The following THRB variants were observed in gnomAD, a reference collection of about 807,000 sequenced individuals.
THRB encodes nuclear receptor subfamily 1 group A member 2.
THRB carries 12 observed loss-of-function variants against 47.8 expected under a neutral mutation model. The observed-to-expected ratio is 0.25, with a 90% confidence interval of 0.16 to 0.41. THRB has a LOEUF of 0.41. Ranked by LOEUF, THRB falls within the 10% of genes least tolerant of loss-of-function variation. The probability of loss-of-function intolerance (pLI) is 1.00; values close to 1 mark genes in which losing one functional copy is unlikely to be tolerated. For missense variants in THRB, 348 were observed against 589.2 expected, an observed-to-expected ratio of 0.59 and a Z score of 4.24; for synonymous variants, 218 against 212.2, an observed-to-expected ratio of 1.03 and a Z score of -0.24.
At chr3:24,258,315 T>C (rs1376357130) in intron 3 of THRB, among the ~76,000 whole-genome samples, 1 of 152,078 alleles carries the variant, frequency 6.6e-6, no homozygotes, top group African/African-American at 2.4e-5. Context: ...CTTGATTCAC[T>C]CCCCTGGGCA....
At chr3:24,241,080 G>A (rs757759782) in intron 3 of THRB, among the ~76,000 whole-genome samples, 6 of 152,116 alleles carry the variant, frequency 3.9e-5, no homozygotes, top group East Asian at 1.9e-4. Context: ...AATTTGGGAC[G>A]CTCAACTCCT....
At chr3:24,366,236 C>A (rs902963768) in intron 1 of THRB, among the ~76,000 whole-genome samples, 2 of 152,200 alleles carry the variant, frequency 1.3e-5, no homozygotes, top group Admixed American at 6.5e-5. Context: ...GAATCAGACA[C>A]TATTCCTATA....
intron 1 of THRB, among the ~76,000 whole-genome samples, chr3:24,488,773 TAGAC>T (rs1697692694): frequency 6.6e-6 from 1 of 152,348 alleles, no homozygotes; most frequent in South Asian, 2.1e-4. Context: ...ATAGCTTTAA[TAGAC>T]AGAAGGCACT....
intron 5 of THRB, among the ~76,000 whole-genome samples, chr3:24,167,715 C>T (rs1414340002): frequency 1.3e-5 from 2 of 152,118 alleles, no homozygotes; most frequent in Non-Finnish European, 2.9e-5. Flanking sequence ...CAGTGCATTT[C>T]CTGGCTCCCT....
chr3:24,314,135 G>A (rs1225068575), intron 2 of THRB, among the ~76,000 whole-genome samples: 1 of 152,186 alleles, frequency 6.6e-6, no homozygotes, highest in Non-Finnish European at 1.5e-5. Flanking sequence ...CCTAATGATA[G>A]ATTTTTATCT....
chr3:24,148,978 T>C (rs888330302), intron 6 of THRB, among the ~76,000 whole-genome samples: 4 of 152,214 alleles, frequency 2.6e-5, no homozygotes, highest in African/African-American at 4.8e-5. Context: ...CATACACTGT[T>C]ACAAGATTCA....
chr3:24,122,838 G>A lies in THRB; in HGVS notation c.*46C>T, dbSNP rs2031930177. 6.2e-7 allele frequency: 1 copy of A among 1,613,590 alleles called. No homozygotes were observed. The highest frequency in any genetic ancestry group is 8.5e-7 in the Non-Finnish European group (1 of 1,179,616). ...AAAGAGCTAGGCAATGGAATGAAAT[G>A]ACACCCAGTAGTGCTGTAGGAATTA... is the stretch of plus-strand genomic sequence containing the variant. On this transcript the variant is annotated 3_prime_UTR_variant, in exon 11 of 11. Coordinates refer to ENST00000646209, the MANE Select transcript of THRB (RefSeq NM_001354712.2).
At position 24,212,415 on chromosome 3, in the gene THRB, C is replaced by CA. The variant is rs369992443; in HGVS notation, c.22+16522dup. 6.1e-3 allele frequency among the ~76,000 whole-genome samples: 886 copies of CA among 145,320 alleles called. 7 individuals are homozygous for CA. The highest frequency in any genetic ancestry group is 0.044 in the South Asian group (193 of 4,386). On this transcript the variant is annotated intron_variant, in intron 4 of 10. Transcript: ENST00000646209. ...TCCGTCTCAAAACAACAAAATAAAA[C>CA]AAAAAACGAAACGAAAATTAGCCAG...
chr3:24,340,871 A>G (rs1049926242), intron 1 of THRB, among the ~76,000 whole-genome samples: 1 of 152,174 alleles, frequency 6.6e-6, no homozygotes, highest in Non-Finnish European at 1.5e-5. Flanking sequence ...GAATTCACAT[A>G]TATCTTGGGT....
Position 24,122,457 on chromosome 3 carries a change from G to T in THRB, c.*427C>A, listed in dbSNP as rs901009969. 6 of 247,130 alleles carry T rather than the reference G, an allele frequency of 2.4e-5. No homozygotes were observed. Among genetic ancestry groups the T allele is most frequent in the Non-Finnish European group, 4.0e-5 (5 of 125,524 alleles). The allele number at this position is 247,130 out of a possible 1,614,324, so 15.3% of individuals were successfully genotyped here. A position where few individuals can be genotyped will look rare whatever the true frequency, so the allele number is the denominator to read the frequency against. On this transcript the variant is annotated 3_prime_UTR_variant, in exon 11 of 11. Coordinates refer to ENST00000646209, the MANE Select transcript of THRB (RefSeq NM_001354712.2). ...AGGCTGAAAGCCACATCTAACTAAAGGTGGTCTGTGCTCTGTTAACTTCAG... is the reference window on the plus strand; with the variant it reads ...AGGCTGAAAGCCACATCTAACTAAATGTGGTCTGTGCTCTGTTAACTTCAG...
At position 24,221,036 on chromosome 3, in the gene THRB, G is replaced by C. The variant is rs1014059576; in HGVS notation, c.22+7902C>G. 6.6e-5 allele frequency among the ~76,000 whole-genome samples: 10 copies of C among 152,326 alleles called. No individual in the cohort carries two copies. The Middle Eastern group carries it at 0.01, about 155-fold the overall frequency. On this transcript the variant is annotated intron_variant, in intron 4 of 10. Transcript: ENST00000646209. ...AGCATCTGCACTCTGCAGGCTTGGGGAACTGGCATTCCACACTAGTTTCCT... is the reference window on the plus strand; with the variant it reads ...AGCATCTGCACTCTGCAGGCTTGGGCAACTGGCATTCCACACTAGTTTCCT...
intron 3 of THRB, among the ~76,000 whole-genome samples, chr3:24,265,403 A>G (rs2052546873): frequency 6.6e-6 from 1 of 152,226 alleles, no homozygotes. Context: ...GCTTCTCAGT[A>G]AAGAATTGAT....
At chr3:24,239,348 C>G (rs1483947747) in intron 3 of THRB, among the ~76,000 whole-genome samples, 1 of 152,126 alleles carries the variant, frequency 6.6e-6, no homozygotes, top group Non-Finnish European at 1.5e-5. Context: ...ATAGCACACA[C>G]AGCCTGAATT....
chr3:24,375,290 T>C (rs1023045540), intron 1 of THRB, among the ~76,000 whole-genome samples: 2 of 148,072 alleles, frequency 1.4e-5, no homozygotes, highest in Non-Finnish European at 3.0e-5. Context: ...ATTAATATAA[T>C]GTTTAGAAAT....
intron 5 of THRB, among the ~76,000 whole-genome samples, chr3:24,180,550 A>G (rs2041763989): frequency 6.6e-6 from 1 of 152,232 alleles, no homozygotes; most frequent in South Asian, 2.1e-4. Context: ...GGTCAGTGCC[A>G]TGGAGAATAG....
At chr3:24,239,186 C>T (rs1196098305) in intron 3 of THRB, among the ~76,000 whole-genome samples, 1 of 152,122 alleles carries the variant, frequency 6.6e-6, no homozygotes, top group African/African-American at 2.4e-5. Flanking sequence ...AAGTGATCTG[C>T]CCACCTCGGC....
At chr3:24,370,447 GTGAGGTGTGCACATGAGTGTGTA>G (rs546487731) in intron 1 of THRB, among the ~76,000 whole-genome samples, 3 of 152,186 alleles carry the variant, frequency 2.0e-5, no homozygotes, top group South Asian at 2.1e-4. Flanking sequence ...CAGGACGTGT[GTGAGGTGTGCACATGAGTGTGTA>G]TGAGGTGTGC....
chr3:24,381,263 G>A (rs2065691371), intron 1 of THRB, among the ~76,000 whole-genome samples: 1 of 152,108 alleles, frequency 6.6e-6, no homozygotes, highest in African/African-American at 2.4e-5. Flanking sequence ...CAAGGAACGG[G>A]AGATATGACA....
chr3:24,184,828 G>A (rs563076057), intron 5 of THRB, among the ~76,000 whole-genome samples: 19 of 152,266 alleles, frequency 1.2e-4, no homozygotes, highest in African/African-American at 2.9e-4. Flanking sequence ...TAGTACTGGC[G>A]GAAGGGCACA....
Sources: allele counts gnomAD v4.1 joint callset (sites outside exome capture counted in the v4.1 genomes callset), GRCh38; gene constraint gnomAD v4.1.1; transcripts MANE v1.5; gene names NCBI Gene and HGNC (gene_info 2026-07-23, HGNC 2026-07-21).